Variants in USH2A observed in about 807,000 individuals in gnomAD.
USH2A encodes usherin, also known as Usher syndrome 2A (autosomal recessive, mild).
A neutral mutation model predicts 538.9 loss-of-function variants in USH2A; 443 were observed. The observed-to-expected ratio is 0.82, with a 90% CI of 0.76 to 0.89. USH2A has a LOEUF of 0.89. Ranked by LOEUF, USH2A falls within the 40% of genes least tolerant of loss-of-function variation. The probability of loss-of-function intolerance (pLI) is 0.00; values close to 1 mark genes in which losing one functional copy is unlikely to be tolerated. For synonymous variants in USH2A, 2,413 were observed against 2,273.5 expected (o/e 1.06, Z -1.75); for missense variants, 6,633 against 6,324.8 (o/e 1.05, Z -1.65).
chr1:216,117,916 G>A (rs961705106), intron 21 of USH2A, among the ~76,000 whole-genome samples: 2 of 151,226 alleles, frequency 1.3e-5, no homozygotes, highest in African/African-American at 4.9e-5. Flanking sequence ...ATATATATAT[G>A]CATGTATTCC....
intron 41 of USH2A, among the ~76,000 whole-genome samples, chr1:215,888,030 T>G (rs1336901261): frequency 1.3e-5 from 2 of 152,220 alleles, no homozygotes; most frequent in Non-Finnish European, 2.9e-5. Context: ...ATTACTTTGA[T>G]TCTTTGATTA....
intron 70 of USH2A, among the ~76,000 whole-genome samples, chr1:215,633,727 A>G (rs1656386071): frequency 6.6e-6 from 1 of 152,166 alleles, no homozygotes; most frequent in African/African-American, 2.4e-5. Flanking sequence ...GTACCTGATG[A>G]GGATTAGAAA....
rs190859403 is a variant in USH2A at position 216,117,640 on chromosome 1, C to T, written c.4628-20427G>A. The stretch of plus-strand genomic sequence containing the variant: ...GAATGTTTGCCTTTGTGTAGACACA[C>T]CTATTTATAAACTTTTAAGTGTTTT... On this transcript the variant is annotated intron_variant, in intron 21 of 71. Coordinates refer to ENST00000307340, the MANE Select transcript of USH2A (RefSeq NM_206933.4). Among the ~76,000 whole-genome samples the T allele has an allele frequency of 1.1e-3, 168 of 152,088 alleles. 2 individuals are homozygous for T. Among genetic ancestry groups the T allele is most frequent in the Non-Finnish European group, 2.0e-3 (133 of 67,944 alleles).
At chr1:216,334,805 T>A (rs990972251) in intron 4 of USH2A, among the ~76,000 whole-genome samples, 1 of 151,630 alleles carries the variant, frequency 6.6e-6, no homozygotes, top group African/African-American at 2.4e-5. Flanking sequence ...AACAGTAAAA[T>A]GACAAATTTA....
chr1:215,981,412 C>T (rs1437361441), intron 35 of USH2A, among the ~76,000 whole-genome samples: 2 of 152,012 alleles, frequency 1.3e-5, no homozygotes, highest in African/African-American at 4.8e-5. Flanking sequence ...TTTAGTAACT[C>T]GTTTATTATT....
chr1:216,245,449 G>C (rs1374520653), intron 13 of USH2A, among the ~76,000 whole-genome samples: 2 of 150,160 alleles, frequency 1.3e-5, no homozygotes. Context: ...TGTAGAGAAA[G>C]AGAGAGGTAA....
rs533744566 is a variant in USH2A at position 215,759,223 on chromosome 1, A to C, written c.11231+437T>G. On this transcript the variant is annotated intron_variant, in intron 57 of 71. Coordinates refer to ENST00000307340, the MANE Select transcript of USH2A (RefSeq NM_206933.4). The stretch of plus-strand genomic sequence containing the variant: ...TCTGCTGAGAAATGAATGGGAATGA[A>C]ATGCAAATATGTGGAACTTTTTCCT... Among the ~76,000 whole-genome samples the C allele has an allele frequency of 2.5e-3, 376 of 152,306 alleles. 2 individuals are homozygous for C. Among genetic ancestry groups the C allele is most frequent in the African/African-American group, 8.7e-3 (360 of 41,566 alleles).
chr1:216,247,060 G>A lies in USH2A; in HGVS notation c.2334C>T (p.Asp778=). ...ACCCATAAAAGTTTTCTCTGCAGGT[G>A]TCACACTGAAGTCCTTTGGCTTCTT... ...CKKEAKGLQC[D]TCRENFYGLD... is the part of the protein sequence containing the mutation. Residue 778 remains aspartate (D), a synonymous_variant, in exon 13 of 72, where the codon GAC becomes GAT. Coordinates refer to ENST00000307340, the MANE Select transcript of USH2A (RefSeq NM_206933.4). 1 of 1,614,048 alleles carries A rather than the reference G, an allele frequency of 6.2e-7. No homozygotes were observed. Among genetic ancestry groups the A allele is most frequent in the Non-Finnish European group, 8.5e-7 (1 of 1,179,960 alleles).
Position 215,934,686 on chromosome 1 carries a change from T to C in USH2A, c.7230A>G (p.Val2410=), listed in dbSNP as rs202162396. 5 of 1,612,910 alleles carry C rather than the reference T, an allele frequency of 3.1e-6. No homozygotes were observed. Among genetic ancestry groups the C allele is most frequent in the Non-Finnish European group, 4.2e-6 (5 of 1,179,172 alleles). ...CTTGGCTATTTGAAATATTCACTTG[T>C]ACAGTATAGTTGGTAAAAGGAACCA... is the stretch of plus-strand genomic sequence containing the variant. ...DGLVPFTNYT[V]QVNISNSQGS... Residue 2410 remains valine (V), a synonymous_variant, in exon 38 of 72, where the codon GTA becomes GTG. Coordinates refer to ENST00000307340, the MANE Select transcript of USH2A (RefSeq NM_206933.4).
intron 50 of USH2A, among the ~76,000 whole-genome samples, chr1:215,793,803 G>A (rs922393810): frequency 2.6e-5 from 4 of 152,076 alleles, no homozygotes; most frequent in African/African-American, 9.7e-5. Context: ...AAGGCCGCAT[G>A]GACAAAGTTT....
At chr1:215,950,726 G>A (rs1666891729) in intron 37 of USH2A, among the ~76,000 whole-genome samples, 1 of 151,634 alleles carries the variant, frequency 6.6e-6, no homozygotes, top group Admixed American at 6.6e-5. Context: ...TGGACAGGCT[G>A]GTCTTGAACT....
intron 3 of USH2A, among the ~76,000 whole-genome samples, chr1:216,365,637 T>G (rs1275658222): frequency 2.6e-5 from 4 of 152,212 alleles, no homozygotes; most frequent in African/African-American, 9.6e-5. Context: ...GACTAATCAA[T>G]CAAGCAAGTA....
Position 216,175,438 on chromosome 1 carries a change from T to C in USH2A, c.4441A>G (p.Thr1481Ala), listed in dbSNP as rs2034358835. 1 of 1,613,734 alleles carries C rather than the reference T, an allele frequency of 6.2e-7. No individual in the cohort carries two copies. The highest frequency in any genetic ancestry group is 1.3e-5 in the African/African-American group (1 of 74,928). ...RPPLVKGINS[T>A]TIHLRWFPPE... Reference sequence around the variant, plus strand: ...GGAAACCACCTAAGATGGATTGTTGTGCTGTTGATTCCTTTAACCAGAGGT... The same window carrying C: ...GGAAACCACCTAAGATGGATTGTTGCGCTGTTGATTCCTTTAACCAGAGGT... Residue 1481 changes from threonine to alanine, a missense_variant, in exon 21 of 72, where the codon ACA becomes GCA. Coordinates refer to ENST00000307340, the MANE Select transcript of USH2A (RefSeq NM_206933.4).
chr1:215,986,160 C>A (rs902580124), intron 35 of USH2A, among the ~76,000 whole-genome samples: 2 of 152,066 alleles, frequency 1.3e-5, no homozygotes, highest in African/African-American at 4.8e-5. Flanking sequence ...CACTCTGTCA[C>A]CCAGGCTGAA....
chr1:216,398,715 G>A (rs184702625), intron 3 of USH2A, among the ~76,000 whole-genome samples: 98 of 152,264 alleles, frequency 6.4e-4, no homozygotes, highest in Non-Finnish European at 1.1e-3. Context: ...GGGCCAAGAG[G>A]CAGCTAACCT....
At chr1:216,191,203 C>T (rs2102656102) in intron 19 of USH2A, among the ~76,000 whole-genome samples, 1 of 152,092 alleles carries the variant, frequency 6.6e-6, no homozygotes, top group East Asian at 1.9e-4. Context: ...GAGAGTATGA[C>T]AGTAACTATG....
At chr1:215,681,433 A>G (rs893802221) in intron 61 of USH2A, among the ~76,000 whole-genome samples, 8 of 152,266 alleles carry the variant, frequency 5.3e-5, no homozygotes, top group African/African-American at 1.9e-4. Flanking sequence ...TTAGTAGGAT[A>G]TTTACATTCA....
chr1:215,885,969 G>A (rs1189956905), intron 41 of USH2A, among the ~76,000 whole-genome samples: 2 of 152,068 alleles, frequency 1.3e-5, no homozygotes, highest in African/African-American at 4.8e-5. Flanking sequence ...TTATTTGTTT[G>A]CATTCTGTCT....
At chr1:215,647,161 G>A (rs1296598164) in intron 67 of USH2A, among the ~76,000 whole-genome samples, 1 of 152,060 alleles carries the variant, frequency 6.6e-6, no homozygotes, top group East Asian at 1.9e-4. Context: ...ATGCTCTCTG[G>A]ACATACTAGA....
Sources: gnomAD v4.1 joint callset for allele counts (sites outside exome capture counted in the v4.1 genomes callset) on GRCh38, gnomAD v4.1.1 for gene constraint, MANE v1.5 for transcripts, NCBI Gene and HGNC (gene_info 2026-07-23, HGNC 2026-07-21) for gene names.